GSE1: variants seen among roughly 807,000 people sequenced by gnomAD.
GSE1 encodes the protein Gse1 coiled-coil protein, also known as genetic suppressor element 1.
GSE1 carries 32 observed loss-of-function variants against 112.6 expected under a neutral mutation model. The observed-to-expected ratio is 0.28, with a 90% CI of 0.21 to 0.38. GSE1 has a LOEUF of 0.38. Among genes scored for constraint, GSE1 ranks in the 10% least tolerant of loss-of-function variants. GSE1 has a pLI of 1.00. For missense variants in GSE1, 2,348 were observed against 1,699.2 expected (o/e 1.38, Z -6.71); for synonymous variants, 1,115 against 735.6 (o/e 1.52, Z -8.35).
intron 1 of GSE1, among the ~76,000 whole-genome samples, chr16:85,248,082 A>C (rs1000513056): frequency 1.3e-5 from 2 of 152,146 alleles, no homozygotes; most frequent in African/African-American, 2.4e-5. Flanking sequence ...TGTGGGGCTG[A>C]GAGTGGGTGG....
At chr16:85,366,053 G>T (rs1224673944) in intron 2 of GSE1, among the ~76,000 whole-genome samples, 1 of 152,224 alleles carries the variant, frequency 6.6e-6, no homozygotes, top group African/African-American at 2.4e-5. Context: ...CTGGCCCTGG[G>T]ACGGCTTTTG....
chr16:85,562,566 C>T (rs547507073), intron 1 of GSE1, among the ~76,000 whole-genome samples: 37 of 152,332 alleles, frequency 2.4e-4, no homozygotes, highest in Admixed American at 5.9e-4. Context: ...TGTCCTTCTA[C>T]GCAGGGGAAA....
At chr16:85,186,135 C>T (rs990081301) in intron 1 of GSE1, among the ~76,000 whole-genome samples, 5 of 152,190 alleles carry the variant, frequency 3.3e-5, no homozygotes, top group Non-Finnish European at 7.3e-5. Context: ...ACCCTCCACC[C>T]ATCGTGAGAT....
At chr16:85,233,317 C>G (rs1195424394) in intron 1 of GSE1, among the ~76,000 whole-genome samples, 2 of 152,218 alleles carry the variant, frequency 1.3e-5, no homozygotes, top group African/African-American at 4.8e-5. Flanking sequence ...GGTGAACAGC[C>G]CAGTGCCTGC....
At chr16:85,449,889 T>C (rs1211176127) in intron 2 of GSE1, among the ~76,000 whole-genome samples, 3 of 152,194 alleles carry the variant, frequency 2.0e-5, no homozygotes, top group African/African-American at 7.2e-5. Context: ...ACACAGAAAG[T>C]TGTGCTGTGC....
At chr16:85,199,886 C>A (rs2074997166) in intron 1 of GSE1, among the ~76,000 whole-genome samples, 1 of 152,026 alleles carries the variant, frequency 6.6e-6, no homozygotes, top group Non-Finnish European at 1.5e-5. Context: ...CTGCAGTGGT[C>A]CGAGCACCAG....
intron 2 of GSE1, among the ~76,000 whole-genome samples, chr16:85,425,089 G>T (rs1044219382): frequency 6.6e-6 from 1 of 152,232 alleles, no homozygotes; most frequent in Non-Finnish European, 1.5e-5. Context: ...CAGGACTCCG[G>T]TCGGCCCTCC....
chr16:85,561,409 C>T (rs971178518), intron 1 of GSE1, among the ~76,000 whole-genome samples: 3 of 152,170 alleles, frequency 2.0e-5, no homozygotes, highest in Non-Finnish European at 4.4e-5. Flanking sequence ...GCGTTGGCAG[C>T]GGCGCCCTCC....
intron 2 of GSE1, among the ~76,000 whole-genome samples, chr16:85,400,418 G>T (rs2048075318): frequency 6.6e-6 from 1 of 151,958 alleles, no homozygotes. Context: ...TTGCATGTAT[G>T]TCTTTGTGTG....
chr16:85,544,917 G>C (rs927911950), intron 2 of GSE1, among the ~76,000 whole-genome samples: 1 of 152,244 alleles, frequency 6.6e-6, no homozygotes. Flanking sequence ...AGCCGTGCCC[G>C]CGCTGTCACG....
intron 1 of GSE1, among the ~76,000 whole-genome samples, chr16:85,206,170 G>T (rs1468416441): frequency 6.6e-6 from 1 of 151,844 alleles, no homozygotes; most frequent in African/African-American, 2.4e-5. Flanking sequence ...GGCACGGGAA[G>T]GGGGGAGGGA....
At chr16:85,462,601 C>T (rs376081846) in intron 2 of GSE1, among the ~76,000 whole-genome samples, 44 of 148,536 alleles carry the variant, frequency 3.0e-4, no homozygotes, top group African/African-American at 1.0e-3. Context: ...GGGGAGAGGT[C>T]AGGACAACTC....
At chr16:85,555,311 C>T (rs1014278228), upstream of GSE1, 1 of 985,244 alleles carries the variant, frequency 1.0e-6, no homozygotes, top group South Asian at 4.7e-5. Flanking sequence ...GCGCCAGAGC[C>T]CCCGCGAGTT....
At chr16:85,480,176 T>C (rs2151868689) in intron 2 of GSE1, among the ~76,000 whole-genome samples, 1 of 152,320 alleles carries the variant, frequency 6.6e-6, no homozygotes, top group African/African-American at 2.4e-5. Context: ...GTCATCGGCC[T>C]CAAGGGCCCC....
At chr16:85,321,439 G>A (rs1013851971) in intron 1 of GSE1, among the ~76,000 whole-genome samples, 1 of 152,072 alleles carries the variant, frequency 6.6e-6, no homozygotes, top group African/African-American at 2.4e-5. Flanking sequence ...AAAGAATTCT[G>A]CCAGCAATGT....
At chr16:85,556,044 T>C in exon 1 of GSE1, 1 of 985,002 alleles carries the variant, frequency 1.0e-6, no homozygotes. Context: ...CGGCCCGTCC[T>C]TGGTCGTCAA....
intron 1 of GSE1, among the ~76,000 whole-genome samples, chr16:85,186,136 A>G (rs1211593348): frequency 6.6e-6 from 1 of 152,170 alleles, no homozygotes; most frequent in Non-Finnish European, 1.5e-5. Flanking sequence ...CCCTCCACCC[A>G]TCGTGAGATT....
rs556934036 is a variant in GSE1 at position 85,281,084 on chromosome 16, C to T, written c.2284-76379C>T. 3.2e-4 allele frequency among the ~76,000 whole-genome samples: 49 copies of T among 152,202 alleles called. 1 individual carries two copies. Among genetic ancestry groups the T allele is most frequent in the African/African-American group, 1.1e-3 (47 of 41,528 alleles). Reference sequence around the variant, plus strand: ...TGCTCTAAAGTCACTTCAGCAGGGACCCAAAATTGTCAAGAAGCAAATGAA... The same window carrying T: ...TGCTCTAAAGTCACTTCAGCAGGGATCCAAAATTGTCAAGAAGCAAATGAA... On this transcript the variant is annotated intron_variant, in intron 1 of 2. Transcript: ENST00000637419.
chr16:85,628,444 G>A (rs2049261016), intron 1 of GSE1, among the ~76,000 whole-genome samples: 1 of 152,188 alleles, frequency 6.6e-6, no homozygotes, highest in Admixed American at 6.5e-5. Context: ...GGCCGGGGTA[G>A]GGAGGTTGCT....
Sources: allele counts gnomAD v4.1 joint callset (sites outside exome capture counted in the v4.1 genomes callset), GRCh38; gene constraint gnomAD v4.1.1; transcripts MANE v1.5; gene names NCBI Gene and HGNC (gene_info 2026-07-23, HGNC 2026-07-21).